TBCD: variants seen among roughly 807,000 people sequenced by gnomAD.
TBCD encodes the protein tubulin-specific chaperone D.
A neutral mutation model predicts 169.3 loss-of-function variants in TBCD; 105 were observed. The observed-to-expected ratio is 0.62, with a 90% CI of 0.53 to 0.73. The LOEUF is 0.73. TBCD is among the 30% of genes least tolerant of loss of function. The probability of loss-of-function intolerance (pLI) is 0.00; values close to 1 mark genes in which losing one functional copy is unlikely to be tolerated. For missense variants in TBCD, 1,444 were observed against 1,600.1 expected, an observed-to-expected ratio of 0.90 and a Z score of 1.66; for synonymous variants, 700 against 643.9, an observed-to-expected ratio of 1.09 and a Z score of -1.32.
intron 13 of TBCD, among the ~76,000 whole-genome samples, chr17:82,843,654 A>G (rs1240801972): frequency 6.8e-6 from 1 of 146,606 alleles, no homozygotes; most frequent in African/African-American, 2.6e-5. Flanking sequence ...GTCTTGCTGC[A>G]TTTCAGGTCA....
At chr17:82,827,260 G>A (rs1320945205) in intron 13 of TBCD, among the ~76,000 whole-genome samples, 3 of 152,342 alleles carry the variant, frequency 2.0e-5, no homozygotes, top group East Asian at 1.9e-4. Flanking sequence ...GAAGTGATGC[G>A]TTGACAGCCA....
At chr17:82,791,332 C>T (rs1438151429) in intron 7 of TBCD, among the ~76,000 whole-genome samples, 1 of 152,176 alleles carries the variant, frequency 6.6e-6, no homozygotes, top group East Asian at 1.9e-4. Flanking sequence ...ACCTCGTGAT[C>T]TGCCTGCCTC....
At chr17:82,800,044 C>G (rs1478717871) in intron 8 of TBCD, among the ~76,000 whole-genome samples, 4 of 151,982 alleles carry the variant, frequency 2.6e-5, no homozygotes, top group African/African-American at 9.7e-5. Flanking sequence ...CCCCGCCCCA[C>G]TGCCCCTTCC....
At chr17:82,878,834 T>C (rs2058155148) in intron 14 of TBCD, among the ~76,000 whole-genome samples, 1 of 152,206 alleles carries the variant, frequency 6.6e-6, no homozygotes, top group Non-Finnish European at 1.5e-5. Context: ...TTGCAGCTTG[T>C]TCTTAAGGAA....
In TBCD at chr17:82,854,123, T is replaced by A. The variant is rs1405783561; in HGVS notation, c.1319-16101T>A. Among the ~76,000 whole-genome samples, 5 of 152,184 alleles carry A rather than the reference T, an allele frequency of 3.3e-5. No homozygotes were observed. The East Asian group carries it at 9.6e-4, about 29-fold the overall frequency. On this transcript the variant is annotated intron_variant, in intron 13 of 38. Transcript: ENST00000355528. Reference sequence around the variant, plus strand: ...CCTCGATCACTTTCCATCTGACATATTTGACATTGTTGAGTTTTTAGTTCT... The same window carrying A: ...CCTCGATCACTTTCCATCTGACATAATTGACATTGTTGAGTTTTTAGTTCT...
chr17:82,792,080 C>T (rs781486581), intron 7 of TBCD, among the ~76,000 whole-genome samples: 16 of 152,126 alleles, frequency 1.1e-4, no homozygotes, highest in African/African-American at 2.7e-4. Flanking sequence ...GAGGCCGAGG[C>T]GGGTGGATCA....
chr17:82,835,416 T>C lies in TBCD; in HGVS notation c.1318+20482T>C, dbSNP rs1262399970. On this transcript the variant is annotated intron_variant, in intron 13 of 38. Transcript: ENST00000355528. The surrounding 1 kb of genome is among the most constrained non-coding windows in gnomAD (Gnocchi z 4.5). The stretch of plus-strand genomic sequence containing the variant: ...ACTGGTTTCTCTACTGATTTATTCA[T>C]ATTTCTTTCTTTCTTTCTTTTTTGA... Among the ~76,000 whole-genome samples the C allele has an allele frequency of 6.7e-6, 1 of 149,174 alleles. No individual in the cohort carries two copies. The highest frequency in any genetic ancestry group is 1.5e-5 in the Non-Finnish European group (1 of 66,512).
intron 3 of TBCD, among the ~76,000 whole-genome samples, chr17:82,764,635 ACT>A (rs1269074814): frequency 1.3e-5 from 2 of 152,180 alleles, no homozygotes; most frequent in Non-Finnish European, 2.9e-5. Flanking sequence ...ACAGAGCGAG[ACT>A]CTGTGGAAAT....
intron 19 of TBCD, among the ~76,000 whole-genome samples, chr17:82,905,144 C>G (rs969367969): frequency 3.9e-5 from 6 of 152,218 alleles, no homozygotes; most frequent in African/African-American, 1.4e-4. Context: ...AGTAGAGGCA[C>G]CACCCCTGGG....
At chr17:82,939,871 G>A (rs1024155040) in intron 37 of TBCD, among the ~76,000 whole-genome samples, 23 of 152,178 alleles carry the variant, frequency 1.5e-4, no homozygotes, top group African/African-American at 5.5e-4. Context: ...AAGAGGCACA[G>A]GCGGAAATAA....
chr17:82,756,657 T>C (rs1220053023), intron 2 of TBCD, among the ~76,000 whole-genome samples: 2 of 151,974 alleles, frequency 1.3e-5, no homozygotes, highest in Non-Finnish European at 2.9e-5. Flanking sequence ...TTTTTGTATT[T>C]TTAGTAGAGA....
At chr17:82,801,019 C>T in intron 9 of TBCD, 23 bp downstream of exon 9, 2 of 1,303,316 alleles carry the variant, frequency 1.5e-6, no homozygotes, top group Non-Finnish European at 2.0e-6. Context: ...AGGGCGGTGC[C>T]TGGGGAGGGC....
In TBCD at chr17:82,772,927, C is replaced by T. The variant is rs142969346; in HGVS notation, c.638+420C>T. 6.5e-4 allele frequency among the ~76,000 whole-genome samples: 99 copies of T among 152,254 alleles called. No homozygotes were observed. The East Asian group carries it at 0.015, about 23-fold the overall frequency. On this transcript the variant is annotated intron_variant, in intron 6 of 38. Coordinates refer to ENST00000355528, the MANE Select transcript of TBCD (RefSeq NM_005993.5). ...CCAACGTCCTGTATTAACTGCACCC[C>T]CCGTGTGCCCCAGACAGGGGAAGGT... is the stretch of plus-strand genomic sequence containing the variant.
At chr17:82,834,229 T>C (rs1196742942) in intron 13 of TBCD, among the ~76,000 whole-genome samples, 1 of 152,132 alleles carries the variant, frequency 6.6e-6, no homozygotes, top group African/African-American at 2.4e-5. Flanking sequence ...ATTAGAGGCG[T>C]GAGCCACCGC....
chr17:82,884,932 A>G lies in TBCD; in HGVS notation c.1533+730A>G, dbSNP rs1487377333. On this transcript the variant is annotated intron_variant, in intron 15 of 38. Coordinates refer to ENST00000355528, the MANE Select transcript of TBCD (RefSeq NM_005993.5). This position sits in a 1 kb window ranked among gnomAD's most constrained non-coding sequence, Gnocchi z 4.2. ...CAGATAAGACGCTGAACACGTTTTA[A>G]GAGGGTAAGAACAGAGAGGCAGCCC... 1 of 152,210 alleles carries G rather than the reference A, an allele frequency of 6.6e-6. No homozygotes were observed. Among genetic ancestry groups the G allele is most frequent in the Non-Finnish European group, 1.5e-5 (1 of 68,130 alleles). The allele number at this position is 152,210 out of a possible 1,614,324, so 9.4% of individuals were successfully genotyped here.
intron 12 of TBCD, among the ~76,000 whole-genome samples, chr17:82,811,879 CATTA>C (rs1206026439): frequency 6.6e-6 from 1 of 152,152 alleles, no homozygotes; most frequent in Non-Finnish European, 1.5e-5. Context: ...CGAGAAAGGG[CATTA>C]ATTATATTAA....
chr17:82,903,497 C>T lies in TBCD; in HGVS notation c.1804+19C>T, dbSNP rs780246809. 1.8e-5 allele frequency: 28 copies of T among 1,577,574 alleles called. No individual in the cohort carries two copies. The highest frequency in any genetic ancestry group is 4.7e-5 in the East Asian group (2 of 42,842). ...ACGCAAGGTGGGTGTGTGTCCCGGC[C>T]GGCCTGCGGGCACCATGCATGCACT... On this transcript the variant is annotated intron_variant, in intron 19 of 38. Transcript: ENST00000355528. The surrounding 1 kb of genome is among the most constrained non-coding windows in gnomAD (Gnocchi z 4.8).
At chr17:82,891,637 G>A (rs2059144565) in intron 16 of TBCD, among the ~76,000 whole-genome samples, 1 of 152,178 alleles carries the variant, frequency 6.6e-6, no homozygotes, top group South Asian at 2.1e-4. Context: ...AAAAACCCTC[G>A]GATTTGGAGG....
chr17:82,862,884 G>A (rs537178571), intron 13 of TBCD, among the ~76,000 whole-genome samples: 16 of 152,294 alleles, frequency 1.1e-4, no homozygotes, highest in East Asian at 3.9e-4. Flanking sequence ...CCTCTCACGC[G>A]TCCGAGGTGG....
Sources: gnomAD v4.1 joint callset for allele counts (sites outside exome capture counted in the v4.1 genomes callset) on GRCh38, gnomAD v4.1.1 for gene constraint, Gnocchi (gnomAD v3.1) non-coding constraint, MANE v1.5 for transcripts, NCBI Gene and HGNC (gene_info 2026-07-23, HGNC 2026-07-21) for gene names.